AOX1: variants seen among roughly 807,000 people sequenced by gnomAD.
The protein encoded by AOX1 is aldehyde oxidase 1.
In AOX1, 153 loss-of-function variants were observed where a neutral mutation model predicts 169.5. The ratio of observed to expected loss-of-function variants is 0.90; its 90% CI spans 0.79 to 1.03. AOX1 has a LOEUF of 1.03. AOX1 is among the 50% of genes least tolerant of loss of function. The pLI, the probability that AOX1 is intolerant of heterozygous loss-of-function variation, is 0.00. For missense variants in AOX1, 1,656 were observed against 1,663.9 expected (o/e 1.00, Z 0.08); for synonymous variants, 562 against 581.9 (o/e 0.97, Z 0.49).
chr2:200,602,668 G>A (rs2034441886), intron 6 of AOX1, among the ~76,000 whole-genome samples: 1 of 152,024 alleles, frequency 6.6e-6, no homozygotes, highest in Non-Finnish European at 1.5e-5. Context: ...CATGTGACGG[G>A]CATACACATG....
At chr2:200,615,833 T>G in intron 15 of AOX1, 138 bp from the exon 16 acceptor site, 1 of 625,266 alleles carries the variant, frequency 1.6e-6, no homozygotes, top group Non-Finnish European at 2.9e-6. Context: ...ATTTCTGGGG[T>G]TCTGAATAGG....
intron 5 of AOX1, among the ~76,000 whole-genome samples, chr2:200,601,650 G>C (rs1375234610): frequency 4.0e-5 from 6 of 150,686 alleles, no homozygotes; most frequent in Non-Finnish European, 8.9e-5. Flanking sequence ...AAATTAGTTT[G>C]GCTGAACACA....
At chr2:200,636,320 G>A (rs1414139685) in intron 21 of AOX1, among the ~76,000 whole-genome samples, 3 of 151,648 alleles carry the variant, frequency 2.0e-5, no homozygotes, top group Non-Finnish European at 4.4e-5. Context: ...GTAGAGATGG[G>A]GTTTCATCAT....
chr2:200,609,487 A>T, intron 12 of AOX1, 73 bp downstream of exon 12: 1 of 1,284,200 alleles, frequency 7.8e-7, no homozygotes, highest in Non-Finnish European at 1.1e-6. Context: ...GAGGCAGGAA[A>T]TCCAGTCTTG....
chr2:200,597,319 A>C, intron 3 of AOX1, 78 bp from the exon 4 acceptor site: 1 of 989,250 alleles, frequency 1.0e-6, no homozygotes, highest in South Asian at 1.8e-5. Context: ...ACAGTGGAGA[A>C]GCTCAGTGAA....
chr2:200,671,296 A>G lies in AOX1; in HGVS notation c.*617A>G, dbSNP rs1428940426. Reference sequence around the variant, plus strand: ...TCATATATTTGATAAAAGTCTTGTAACCAGATACATAAAGAGCTCTTACAA... The same window carrying G: ...TCATATATTTGATAAAAGTCTTGTAGCCAGATACATAAAGAGCTCTTACAA... On this transcript the variant is annotated 3_prime_UTR_variant, in exon 35 of 35. Transcript: ENST00000374700. The G allele has an allele frequency of 2.0e-5, 3 of 152,368 alleles. No homozygotes were observed. The East Asian group carries it at 5.8e-4, about 29-fold the overall frequency. 9.4% of individuals were successfully genotyped at this position (152,368 alleles called of 1,614,324 possible).
Position 200,604,022 on chromosome 2 carries a change from T to C in AOX1, c.594T>C (p.Ser198=), listed in dbSNP as rs143374796. The C allele has an allele frequency of 1.3e-5, 21 of 1,609,474 alleles. No homozygotes were observed. In the African/African-American group the frequency reaches 2.7e-4, roughly 20 times the overall value. The change falls in exon 8 of 35, where the codon AGT becomes AGC. Residue 198 remains serine, a synonymous_variant. Transcript: ENST00000374700. ...CTGATATGTTCTCTTTTTAGACAAG[T>C]CCAAAACTCTTCGCAGAAGAGGAGT... The part of the protein sequence containing the change: ...LPEFEEGSKT[S]PKLFAEEEFL...
chr2:200,605,438 T>C (rs928463422), intron 9 of AOX1, 98 bp from the exon 10 acceptor site: 1 of 473,750 alleles, frequency 2.1e-6, no homozygotes, highest in Admixed American at 3.8e-5. Context: ...TATTTTTAGA[T>C]ATTTAAAGAT....
intron 16 of AOX1, among the ~76,000 whole-genome samples, chr2:200,617,863 A>G (rs538394970): frequency 7.9e-5 from 12 of 152,270 alleles, no homozygotes; most frequent in Non-Finnish European, 1.2e-4. Flanking sequence ...TTGCAGAGGA[A>G]GTCAATTCCT....
At chr2:200,670,122 T>A (rs1036587922) in intron 34 of AOX1, among the ~76,000 whole-genome samples, 1 of 152,014 alleles carries the variant, frequency 6.6e-6, no homozygotes, top group Non-Finnish European at 1.5e-5. Context: ...ACAGTCTGCC[T>A]CCACCCCAAC....
intron 26 of AOX1, among the ~76,000 whole-genome samples, chr2:200,654,401 A>C (rs1005819699): frequency 6.6e-6 from 1 of 152,174 alleles, no homozygotes; most frequent in African/African-American, 2.4e-5. Flanking sequence ...TAAAACTAAA[A>C]TATGTACAAT....
At chr2:200,619,937 A>G (rs2034847160) in intron 16 of AOX1, among the ~76,000 whole-genome samples, 1 of 152,240 alleles carries the variant, frequency 6.6e-6, no homozygotes, top group Non-Finnish European at 1.5e-5. Flanking sequence ...TATTATATGT[A>G]TCGTGCTTAT....
intron 16 of AOX1, among the ~76,000 whole-genome samples, chr2:200,617,367 C>T (rs965158142): frequency 1.3e-5 from 2 of 150,876 alleles, no homozygotes; most frequent in African/African-American, 4.9e-5. Flanking sequence ...TTCAAAAGAT[C>T]ACCAGTTTGA....
At chr2:200,642,532 C>G (rs1379578731) in intron 24 of AOX1, 78 bp from the exon 25 acceptor site, 1 of 1,260,840 alleles carries the variant, frequency 7.9e-7, no homozygotes, top group Non-Finnish European at 1.1e-6. Flanking sequence ...CCATTTTCGG[C>G]CTGGTTTTGG....
Position 200,656,950 on chromosome 2 carries a change from A to G in AOX1, c.3171+13A>G. 6.5e-7 allele frequency: 1 copy of G among 1,536,254 alleles called. No individual in the cohort carries two copies. Among genetic ancestry groups the G allele is most frequent in the Non-Finnish European group, 8.8e-7 (1 of 1,133,818 alleles). Reference sequence around the variant, plus strand: ...TAAAATGATTCAGGTAAGAATGCAAATAACTCGATTGAGTTGGGTGTGTGC... The same window carrying G: ...TAAAATGATTCAGGTAAGAATGCAAGTAACTCGATTGAGTTGGGTGTGTGC... On this transcript the variant is annotated intron_variant, in intron 27 of 34. Coordinates refer to ENST00000374700, the MANE Select transcript of AOX1 (RefSeq NM_001159.4).
intron 22 of AOX1, among the ~76,000 whole-genome samples, chr2:200,637,578 C>G (rs1168190019): frequency 2.6e-5 from 4 of 151,732 alleles, no homozygotes; most frequent in Admixed American, 1.3e-4. Context: ...TGTACATATA[C>G]ATACACATAT....
At chr2:200,597,003 A>G (rs2034297139) in intron 3 of AOX1, among the ~76,000 whole-genome samples, 2 of 152,162 alleles carry the variant, frequency 1.3e-5, no homozygotes. Flanking sequence ...GTGTTGGTGA[A>G]GTCTGGCTGC....
chr2:200,621,113 C>T lies in AOX1; in HGVS notation c.1875-7C>T. On this transcript the variant is annotated splice_polypyrimidine_tract_variant and splice_region_variant and intron_variant, in intron 17 of 34. Coordinates refer to ENST00000374700, the MANE Select transcript of AOX1 (RefSeq NM_001159.4). ...CTCTAAGGAGCTCTGCTGTGTATAT[C>T]ATCTAGGTCTATTGATCTGTCAGAA... The T allele has an allele frequency of 6.2e-7, 1 of 1,611,334 alleles. No homozygotes were observed. Among genetic ancestry groups the T allele is most frequent in the Non-Finnish European group, 8.5e-7 (1 of 1,179,366 alleles).
At chr2:200,668,112 T>TA (rs2035955499) in intron 32 of AOX1, among the ~76,000 whole-genome samples, 1 of 120,216 alleles carries the variant, frequency 8.3e-6, no homozygotes, top group Admixed American at 7.5e-5. Context: ...TTATTATTAT[T>TA]TTTTTTTTTT....
Sources: allele counts gnomAD v4.1 joint callset (sites outside exome capture counted in the v4.1 genomes callset), GRCh38; gene constraint gnomAD v4.1.1; transcripts MANE v1.5; gene names NCBI Gene and HGNC (gene_info 2026-07-23, HGNC 2026-07-21).